The following HTT variants were observed in gnomAD, a reference collection of about 807,000 sequenced individuals.
The protein encoded by HTT is huntington disease protein.
A neutral mutation model predicts 362.3 loss-of-function variants in HTT; 104 were observed. The ratio of observed to expected loss-of-function variants is 0.29; its 90% CI spans 0.24 to 0.34. The LOEUF (loss-of-function observed/expected upper bound fraction) is 0.34. HTT is among the 10% of genes least tolerant of loss of function. The probability of loss-of-function intolerance (pLI) is 1.00; values close to 1 mark genes in which losing one functional copy is unlikely to be tolerated. For synonymous variants in HTT, 1,577 were observed against 1,548.7 expected (o/e 1.02, Z -0.43); for missense variants, 3,301 against 3,928.6 (o/e 0.84, Z 4.27).
At position 3,135,956 on chromosome 4, in the gene HTT, C is replaced by G. The variant is rs1007583115; in HGVS notation, c.2686C>G (p.His896Asp). The change falls in exon 20 of 67, where the codon CAT (histidine) becomes GAT (aspartate). Residue 896 changes from histidine (H) to aspartate (D), a missense_variant. This residue lies in a region of HTT where 2,316 missense variants were observed against 2,658.5 expected (regional missense o/e 0.87). Transcript: ENST00000355072. ...KAENLHRGAH[H>D]YTGLLKLQER... The stretch of plus-strand genomic sequence containing the variant: ...AGAAAACTTACACAGAGGGGCTCAT[C>G]ATTATACAGGGGTAAGCGGTTTATT... The G allele has an allele frequency of 6.2e-7, 1 of 1,603,506 alleles. No homozygotes were observed. The highest frequency in any genetic ancestry group is 8.5e-7 in the Non-Finnish European group (1 of 1,176,222).
intron 46 of HTT, among the ~76,000 whole-genome samples, chr4:3,209,198 G>A (rs909772816): frequency 1.3e-5 from 2 of 152,170 alleles, no homozygotes; most frequent in African/African-American, 4.8e-5. Context: ...AGGCCTTCAA[G>A]CACATGTCAA....
At chr4:3,189,189 C>G (rs781571480) in intron 40 of HTT, 96 bp downstream of exon 40, 1 of 1,248,340 alleles carries the variant, frequency 8.0e-7, no homozygotes, top group Non-Finnish European at 1.1e-6. Context: ...GGTAGAAACT[C>G]TGCCTTGCCC....
At chr4:3,108,956 GAGGCTCGGTTGAGCCC>G (rs1422133066) in intron 6 of HTT, among the ~76,000 whole-genome samples, 2 of 152,026 alleles carry the variant, frequency 1.3e-5, no homozygotes, top group Non-Finnish European at 2.9e-5. Context: ...GCTGAGACAG[GAGGCTCGGTTGAGCCC>G]AGGAGTTGGA....
chr4:3,114,536 C>T (rs1029353160), intron 6 of HTT, among the ~76,000 whole-genome samples: 1 of 152,200 alleles, frequency 6.6e-6, no homozygotes, highest in African/African-American at 2.4e-5. Flanking sequence ...TTTGCCCAGG[C>T]GTAGCTCTGA....
chr4:3,188,063 T>C, intron 39 of HTT, 177 bp downstream of exon 39: 1 of 572,668 alleles, frequency 1.7e-6, no homozygotes, highest in Non-Finnish European at 3.1e-6. Context: ...TCTTGGTTCA[T>C]ACCTGTCTTG....
At chr4:3,128,888 T>C (rs1386979957) in intron 12 of HTT, 4 of 152,254 alleles carry the variant, frequency 2.6e-5, no homozygotes, top group Admixed American at 2.6e-4. Context: ...TGTAACCTTT[T>C]GATCATGTAA....
chr4:3,110,474 C>G (rs1297773612), intron 6 of HTT, among the ~76,000 whole-genome samples: 1 of 152,150 alleles, frequency 6.6e-6, no homozygotes, highest in Non-Finnish European at 1.5e-5. Context: ...TTGCCATTAG[C>G]CTGGAATTTC....
Position 3,189,110 on chromosome 4 carries a change from A to G in HTT, c.5368+17A>G. On this transcript the variant is annotated intron_variant, in intron 40 of 66. Coordinates refer to ENST00000355072, the MANE Select transcript of HTT (RefSeq NM_001388492.1). ...TCAAGTCTGGTAGGTGAATCACATTAGTCTTCCTGGAGTGTCTCGTTCCCC... is the reference window on the plus strand; with the variant it reads ...TCAAGTCTGGTAGGTGAATCACATTGGTCTTCCTGGAGTGTCTCGTTCCCC... The G allele has an allele frequency of 6.2e-7, 1 of 1,613,292 alleles. No homozygotes were observed. Among genetic ancestry groups the G allele is most frequent in the Middle Eastern group, 1.7e-4 (1 of 6,058 alleles).
chr4:3,135,963 CA>C lies in HTT; in HGVS notation c.2694del (p.Leu900PhefsTer2), dbSNP rs1716046405. 1 of 1,593,642 alleles carries C rather than the reference CA, an allele frequency of 6.3e-7. No homozygotes were observed. The highest frequency in any genetic ancestry group is 1.4e-5 in the African/African-American group (1 of 73,734). ...ENLHRGAHHYTGLLKLQERVL... is the reference protein window; with the variant it reads ...ENLHRGAHHYXGLLKLQERVL... ...TTACACAGAGGGGCTCATCATTATACAGGGGTAAGCGGTTTATTTTTGTGAG... is the reference window on the plus strand; with the variant it reads ...TTACACAGAGGGGCTCATCATTATACGGGGTAAGCGGTTTATTTTTGTGAG... On this transcript the variant is annotated frameshift_variant, in exon 20 of 67. Coordinates refer to ENST00000355072, the MANE Select transcript of HTT (RefSeq NM_001388492.1). LOFTEE classifies it high-confidence loss of function.
rs575393506 is a variant in HTT, at chr4:3,219,445, C to G, written c.7243-737C>G. 3.9e-5 allele frequency among the ~76,000 whole-genome samples: 6 copies of G among 152,302 alleles called. No individual in the cohort carries two copies. In the East Asian group the frequency reaches 1.2e-3, roughly 29 times the overall value. On this transcript the variant is annotated intron_variant, in intron 52 of 66. Transcript: ENST00000355072. ...GCGGTCATCTGGAAGGCAGCTGTAACAGGCACTGCAGTCTCTCCCTGGGTG... is the reference window on the plus strand; with the variant it reads ...GCGGTCATCTGGAAGGCAGCTGTAAGAGGCACTGCAGTCTCTCCCTGGGTG...
intron 1 of HTT, among the ~76,000 whole-genome samples, chr4:3,084,968 C>T (rs901599620): frequency 5.3e-5 from 8 of 149,616 alleles, no homozygotes; most frequent in Non-Finnish European, 8.9e-5. Context: ...GAGCTGAGAT[C>T]GCGCCACTGC....
intron 2 of HTT, among the ~76,000 whole-genome samples, chr4:3,090,684 G>A (rs987142759): frequency 6.6e-6 from 1 of 152,176 alleles, no homozygotes; most frequent in Non-Finnish European, 1.5e-5. Flanking sequence ...TAGATAGGAA[G>A]ATTTTATATT....
At chr4:3,226,494 C>T (rs143777528) in intron 57 of HTT, among the ~76,000 whole-genome samples, 3 of 152,286 alleles carry the variant, frequency 2.0e-5, no homozygotes, top group Non-Finnish European at 2.9e-5. Context: ...TAAACAGAAA[C>T]GTAGGGCCAT....
At chr4:3,116,321 C>G (rs932780247) in intron 8 of HTT, 58 bp downstream of exon 8, 7 of 1,438,930 alleles carry the variant, frequency 4.9e-6, no homozygotes, top group Non-Finnish European at 6.8e-6. Flanking sequence ...TTCAAAGAAC[C>G]GATTAATTTG....
intron 26 of HTT, among the ~76,000 whole-genome samples, chr4:3,150,758 C>T (rs1004416706): frequency 4.6e-5 from 7 of 152,286 alleles, no homozygotes; most frequent in Non-Finnish European, 8.8e-5. Flanking sequence ...GACTGCAGGC[C>T]GTGCGTGGTG....
intron 60 of HTT, among the ~76,000 whole-genome samples, chr4:3,230,667 T>A (rs1366814134): frequency 1.3e-5 from 2 of 152,140 alleles, no homozygotes; most frequent in Non-Finnish European, 2.9e-5. Context: ...ATGGTCAAGG[T>A]GCCAGCAGAT....
rs1422641091 is a variant in HTT at position 3,122,995 on chromosome 4, GT to G, written c.1321+60del. ...ATCTTACTGATTTTCTTGTATTTCTGTAATGTAATGTATCTTGTATTTCTTG... is the reference window on the plus strand; with the variant it reads ...ATCTTACTGATTTTCTTGTATTTCTGAATGTAATGTATCTTGTATTTCTTG... On this transcript the variant is annotated intron_variant, in intron 10 of 66. Transcript: ENST00000355072. 3 of 1,314,406 alleles carry G rather than the reference GT, an allele frequency of 2.3e-6. No individual in the cohort carries two copies. In the African/African-American group the frequency reaches 4.4e-5, roughly 19 times the overall value. The allele number at this position is 1,314,406 out of a possible 1,614,324, so 81.4% of individuals were successfully genotyped here. A position where few individuals can be genotyped will look rare whatever the true frequency, so the allele number is the denominator to read the frequency against.
At chr4:3,113,832 G>T (rs996744005) in intron 6 of HTT, among the ~76,000 whole-genome samples, 1 of 151,946 alleles carries the variant, frequency 6.6e-6, no homozygotes, top group Non-Finnish European at 1.5e-5. Context: ...AAGTCCTGTG[G>T]CTGGGTTGGG....
At position 3,206,828 on chromosome 4, in the gene HTT, C is replaced by T; in HGVS notation, c.5920C>T (p.Leu1974Phe). The T allele has an allele frequency of 6.2e-7, 1 of 1,604,954 alleles. No homozygotes were observed. Among genetic ancestry groups the T allele is most frequent in the Non-Finnish European group, 8.5e-7 (1 of 1,174,430 alleles). Reference sequence around the variant, plus strand: ...TTAGCCAACCATGCTGAAGAAAACTCTTCAGTGCTTGGAGGGGATCCATCT... The same window carrying T: ...TTAGCCAACCATGCTGAAGAAAACTTTTCAGTGCTTGGAGGGGATCCATCT... ...LSTPTMLKKT[L>F]QCLEGIHLSQ... Residue 1974 changes from leucine to phenylalanine, a missense_variant, in exon 44 of 67, where the codon CTT becomes TTT. Coordinates refer to ENST00000355072, the MANE Select transcript of HTT (RefSeq NM_001388492.1). This position sits in a 1 kb window ranked among gnomAD's most constrained non-coding sequence, Gnocchi z 4.6.
Sources: allele counts gnomAD v4.1 joint callset (sites outside exome capture counted in the v4.1 genomes callset), GRCh38; gene constraint gnomAD v4.1.1; regional missense constraint gnomAD v4.1.1; non-coding constraint Gnocchi (gnomAD v3.1); transcripts MANE v1.5; gene names NCBI Gene and HGNC (gene_info 2026-07-23, HGNC 2026-07-21).